The following SCOC variants were observed in gnomAD, a reference collection of about 807,000 sequenced individuals.
SCOC encodes the protein short coiled-coil protein.
SCOC carries 7 observed loss-of-function variants against 9.9 expected under a neutral mutation model. That is an observed-to-expected ratio of 0.71 (90% confidence interval 0.40 to 1.33). The LOEUF (loss-of-function observed/expected upper bound fraction) is 1.33, where lower values mean the gene tolerates loss of function less well. Ranked by LOEUF, SCOC falls within the 40% of genes most tolerant of loss-of-function variation. The probability of loss-of-function intolerance (pLI) is 0.01; values close to 1 mark genes in which losing one functional copy is unlikely to be tolerated. For synonymous variants in SCOC, 19 were observed against 28.2 expected (o/e 0.67, Z 1.03); for missense variants, 66 against 89.7 (o/e 0.74, Z 1.07).
At chr4:140,282,473 C>A (rs1016894278) in intron 1 of SCOC, among the ~76,000 whole-genome samples, 1 of 152,078 alleles carries the variant, frequency 6.6e-6, no homozygotes, top group Non-Finnish European at 1.5e-5. Flanking sequence ...CCCTGTCCCA[C>A]CCCCCGTCCC....
rs983077592 is a variant in SCOC at position 140,381,762 on chromosome 4, C to G, written c.*658C>G. 6.6e-6 allele frequency: 1 copy of G among 152,146 alleles called. No homozygotes were observed. Among genetic ancestry groups the G allele is most frequent in the African/African-American group, 2.4e-5 (1 of 41,442 alleles). 9.4% of individuals were successfully genotyped at this position (152,146 alleles called of 1,614,324 possible). On this transcript the variant is annotated 3_prime_UTR_variant, in exon 4 of 4. Transcript: ENST00000608372. Reference sequence around the variant, plus strand: ...TAAAAATGAAGGTTTTTCTTTGAAACTGAATTAACTTGGGAATATTTGTTG... The same window carrying G: ...TAAAAATGAAGGTTTTTCTTTGAAAGTGAATTAACTTGGGAATATTTGTTG...
At chr4:140,325,688 G>T (rs1368813305) in intron 1 of SCOC, among the ~76,000 whole-genome samples, 1 of 152,080 alleles carries the variant, frequency 6.6e-6, no homozygotes, top group Non-Finnish European at 1.5e-5. Flanking sequence ...GTGGCAGTAT[G>T]GTGAGATGCA....
Position 140,381,132 on chromosome 4 carries a change from A to G in SCOC, c.*28A>G. On this transcript the variant is annotated 3_prime_UTR_variant, in exon 4 of 4. Transcript: ENST00000608372. Reference sequence around the variant, plus strand: ...GATTGACACCCTTCTGTTTTATGGAATTGCTGCTGATCATTTTTTCTTTAA... The same window carrying G: ...GATTGACACCCTTCTGTTTTATGGAGTTGCTGCTGATCATTTTTTCTTTAA... 6.5e-7 allele frequency: 1 copy of G among 1,548,142 alleles called. No individual in the cohort carries two copies. Among genetic ancestry groups the G allele is most frequent in the Non-Finnish European group, 8.6e-7 (1 of 1,158,382 alleles).
intron 2 of SCOC, chr4:140,366,428 T>C (rs1342376670): frequency 2.8e-6 from 4 of 1,424,316 alleles, no homozygotes; most frequent in Non-Finnish European, 3.9e-6. Flanking sequence ...AGTAGCACGC[T>C]TCGCAGCAGG....
rs138791581 is a variant in SCOC, at chr4:140,356,058, T to A, written c.70+12350T>A. Among the ~76,000 whole-genome samples, 108 of 152,276 alleles carry A rather than the reference T, an allele frequency of 7.1e-4. 1 individual carries two copies. The East Asian group carries it at 0.019, about 27-fold the overall frequency. On this transcript the variant is annotated intron_variant, in intron 2 of 4. Transcript: ENST00000338517. ...CTATGGTGATACATGTGAAAAGTTG[T>A]TTAGGAAAAATAAAATGGAGAAAGT...
chr4:140,373,832 G>C (rs1728187512), intron 1 of SCOC, 115 bp downstream of exon 1: 1 of 1,163,706 alleles, frequency 8.6e-7, no homozygotes, highest in Non-Finnish European at 1.2e-6. Context: ...GCGCACCGGG[G>C]GCCCGGGAGG....
intron 2 of SCOC, among the ~76,000 whole-genome samples, chr4:140,355,248 T>A (rs954054046): frequency 5.4e-5 from 8 of 146,970 alleles, no homozygotes; most frequent in Non-Finnish European, 1.2e-4. Flanking sequence ...TATATATATA[T>A]AATGTATATA....
intron 1 of SCOC, among the ~76,000 whole-genome samples, chr4:140,328,077 T>A (rs748023398): frequency 3.9e-5 from 6 of 152,212 alleles, no homozygotes; most frequent in Admixed American, 1.3e-4. Context: ...TTCTGCTTCC[T>A]CACCAGTAAT....
chr4:140,264,090 C>T (rs1243242985), intron 1 of SCOC, among the ~76,000 whole-genome samples: 2 of 152,070 alleles, frequency 1.3e-5, no homozygotes, highest in Admixed American at 6.6e-5. Context: ...GCCTTGAACT[C>T]CTGGGCTCAG....
At chr4:140,349,876 C>T (rs1355290504) in intron 2 of SCOC, among the ~76,000 whole-genome samples, 1 of 152,170 alleles carries the variant, frequency 6.6e-6, no homozygotes, top group Admixed American at 6.5e-5. Context: ...ATCACTACCT[C>T]CGCCTGTAGA....
chr4:140,308,347 C>T lies in SCOC; in HGVS notation c.-18-35274C>T, dbSNP rs140560868. Among the ~76,000 whole-genome samples, 194 of 152,276 alleles carry T rather than the reference C, an allele frequency of 1.3e-3. 1 individual carries two copies. Among genetic ancestry groups the T allele is most frequent in the African/African-American group, 3.7e-3 (154 of 41,550 alleles). Reference sequence around the variant, plus strand: ...ACTCATTTTCTAGGACCTTCAAATGCCACTCAGTTGATGCTTTCACAGAGC... The same window carrying T: ...ACTCATTTTCTAGGACCTTCAAATGTCACTCAGTTGATGCTTTCACAGAGC... On this transcript the variant is annotated intron_variant, in intron 1 of 4. Coordinates refer to the SCOC transcript ENST00000394205.
upstream of SCOC, among the ~76,000 whole-genome samples, chr4:140,338,482 T>C (rs188793093): frequency 3.7e-3 from 558 of 152,310 alleles, 4 homozygotes; most frequent in Non-Finnish European, 6.2e-3. Flanking sequence ...TAAAGGGTAT[T>C]CAATCAGGAA....
chr4:140,330,317 A>AGT (rs1366803514), intron 1 of SCOC, among the ~76,000 whole-genome samples: 5 of 152,334 alleles, frequency 3.3e-5, no homozygotes, highest in African/African-American at 4.8e-5. Flanking sequence ...CATTGGGTAC[A>AGT]GTGTACACGG....
intron 2 of SCOC, among the ~76,000 whole-genome samples, chr4:140,349,914 AG>A (rs1208360665): frequency 6.1e-4 from 93 of 152,292 alleles, no homozygotes; most frequent in African/African-American, 2.1e-3. Context: ...CAGCCCCTGA[AG>A]GATAAAGTCC....
At chr4:140,262,117 C>T (rs1730644887) in intron 1 of SCOC, among the ~76,000 whole-genome samples, 1 of 152,146 alleles carries the variant, frequency 6.6e-6, no homozygotes, top group African/African-American at 2.4e-5. Flanking sequence ...GTTTCCCTGC[C>T]TTTTCTTGGG....
intron 1 of SCOC, among the ~76,000 whole-genome samples, chr4:140,316,277 G>A (rs1356539635): frequency 6.6e-6 from 1 of 152,160 alleles, no homozygotes; most frequent in African/African-American, 2.4e-5. Flanking sequence ...GTGGGAGGCT[G>A]GGTCAGATCG....
intron 1 of SCOC, among the ~76,000 whole-genome samples, chr4:140,292,347 C>A (rs1274644764): frequency 6.6e-6 from 1 of 152,128 alleles, no homozygotes; most frequent in African/African-American, 2.4e-5. Flanking sequence ...TGCCACCATG[C>A]CCAGCTAATT....
At chr4:140,341,856 C>CCAG (rs1726522601), upstream of SCOC, among the ~76,000 whole-genome samples, 1 of 152,140 alleles carries the variant, frequency 6.6e-6, no homozygotes, top group Non-Finnish European at 1.5e-5. Context: ...CATGGGACTC[C>CCAG]TCTTATGGTC....
chr4:140,328,617 C>T (rs555882305), intron 1 of SCOC, among the ~76,000 whole-genome samples: 1 of 152,298 alleles, frequency 6.6e-6, no homozygotes, highest in East Asian at 1.9e-4. Flanking sequence ...AAAATTCTTA[C>T]CCTGAAGTTC....
Sources: gnomAD v4.1 joint callset for allele counts (sites outside exome capture counted in the v4.1 genomes callset) on GRCh38, gnomAD v4.1.1 for gene constraint, MANE v1.5 for transcripts, NCBI Gene and HGNC (gene_info 2026-07-23, HGNC 2026-07-21) for gene names.